The following MTCL3 variants were observed in gnomAD, a reference collection of about 807,000 sequenced individuals.
MTCL3 encodes microtubule cross-linking factor 3.
the MTCL3 span, among the ~76,000 whole-genome samples, chr6:127,499,488 A>C: frequency 4.6e-5 from 7 of 152,244 alleles, no homozygotes; most frequent in African/African-American, 1.7e-4. Context: ...CAAAGCAAAG[A>C]AAATGCTAAG....
the MTCL3 span, chr6:127,476,595 G>C: frequency 1.4e-6 from 1 of 713,624 alleles, no homozygotes. This position sits in a 1 kb window ranked among gnomAD's most constrained non-coding sequence, Gnocchi z 4.4. Context: ...GAGAGAAACA[G>C]AAGCAGATAC....
chr6:127,475,170 G>C, the MTCL3 span: 4 of 1,010,994 alleles, frequency 4.0e-6, no homozygotes, highest in Non-Finnish European at 5.6e-6. This position sits in a 1 kb window ranked among gnomAD's most constrained non-coding sequence, Gnocchi z 7.3. Flanking sequence ...GCCCCAGCGC[G>C]GCCCTGAGCG....
the MTCL3 span, chr6:127,516,217 G>C: frequency 4.2e-6 from 6 of 1,435,236 alleles, no homozygotes; most frequent in Non-Finnish European, 5.4e-6. Context: ...GCCCAAAGCG[G>C]CCAGGGTCGC....
the MTCL3 span, among the ~76,000 whole-genome samples, chr6:127,480,103 G>C: frequency 6.6e-6 from 1 of 152,086 alleles, no homozygotes; most frequent in African/African-American, 2.4e-5. Context: ...TGTGAAGAGG[G>C]GAACATAAAG....
chr6:127,484,968 G>T, the MTCL3 span, among the ~76,000 whole-genome samples: 2 of 152,184 alleles, frequency 1.3e-5, no homozygotes, highest in Non-Finnish European at 2.9e-5. Flanking sequence ...CCAGAAAGCT[G>T]TTGGAAAAGC....
At chr6:127,507,599 A>T in the MTCL3 span, among the ~76,000 whole-genome samples, 1 of 152,022 alleles carries the variant, frequency 6.6e-6, no homozygotes, top group South Asian at 2.1e-4. Flanking sequence ...TTAAAAATGC[A>T]TTCATAGGCC....
chr6:127,510,055 T>C, the MTCL3 span, among the ~76,000 whole-genome samples: 1 of 152,194 alleles, frequency 6.6e-6, no homozygotes, highest in South Asian at 2.1e-4. Context: ...TATCTTCCAC[T>C]CTTTCTCCCT....
At chr6:127,503,959 G>T in the MTCL3 span, among the ~76,000 whole-genome samples, 2 of 151,982 alleles carry the variant, frequency 1.3e-5, no homozygotes, top group African/African-American at 4.8e-5. Context: ...TCAACTTTGT[G>T]CCCTGTTCTG....
At chr6:127,508,596 A>G in the MTCL3 span, among the ~76,000 whole-genome samples, 2 of 152,206 alleles carry the variant, frequency 1.3e-5, no homozygotes. Context: ...TTTTCTTTTA[A>G]GAATCTTGTG....
At chr6:127,507,120 T>G in the MTCL3 span, among the ~76,000 whole-genome samples, 1 of 152,174 alleles carries the variant, frequency 6.6e-6, no homozygotes, top group African/African-American at 2.4e-5. Context: ...CAACAAAAAT[T>G]TAAATATACA....
chr6:127,482,505 T>G, the MTCL3 span, among the ~76,000 whole-genome samples: 1 of 152,200 alleles, frequency 6.6e-6, no homozygotes, highest in Admixed American at 6.5e-5. This position sits in a 1 kb window ranked among gnomAD's most constrained non-coding sequence, Gnocchi z 4.1. Flanking sequence ...CAGGGCTCTC[T>G]AAAGATATAA....
the MTCL3 span, among the ~76,000 whole-genome samples, chr6:127,517,156 T>C: frequency 3.9e-5 from 6 of 152,228 alleles, no homozygotes; most frequent in African/African-American, 1.4e-4. Context: ...AAGTTTTCAT[T>C]TAATTAGTAT....
chr6:127,498,581 T>A, the MTCL3 span, among the ~76,000 whole-genome samples: 1 of 152,178 alleles, frequency 6.6e-6, no homozygotes, highest in Non-Finnish European at 1.5e-5. Flanking sequence ...ATCTTAGCTA[T>A]CTACCCAAGA....
the MTCL3 span, among the ~76,000 whole-genome samples, chr6:127,478,974 G>A: frequency 3.7e-4 from 53 of 143,384 alleles, no homozygotes; most frequent in African/African-American, 1.1e-3. Context: ...CCGAGATTGC[G>A]CCACTGCACT....
the MTCL3 span, chr6:127,475,942 TTGTCGTGGTGCCGCGCGC>T: frequency 2.5e-6 from 4 of 1,612,774 alleles, no homozygotes; most frequent in African/African-American, 5.3e-5. This position sits in a 1 kb window ranked among gnomAD's most constrained non-coding sequence, Gnocchi z 7.3. Flanking sequence ...GGTCTTGGCG[TTGTCGTGGTGCCGCGCGC>T]TGTCGTGGCC....
the MTCL3 span, chr6:127,473,220 TGAAG>T: frequency 2.1e-6 from 3 of 1,419,734 alleles, no homozygotes; most frequent in South Asian, 4.9e-5. Context: ...CTTCTTGTCT[TGAAG>T]GGTGAACAAA....
At chr6:127,516,379 TGCTGCTGCTGCA>T in the MTCL3 span, 4 of 1,600,774 alleles carry the variant, frequency 2.5e-6, no homozygotes, top group South Asian at 3.3e-5. Context: ...ACCCTGCTGT[TGCTGCTGCTGCA>T]GCTGCTGCTG....
At chr6:127,504,331 T>C in the MTCL3 span, among the ~76,000 whole-genome samples, 1 of 152,212 alleles carries the variant, frequency 6.6e-6, no homozygotes, top group Non-Finnish European at 1.5e-5. Flanking sequence ...TCTTTCCTAT[T>C]AGAAAATAAT....
the MTCL3 span, chr6:127,481,522 A>G: frequency 1.0e-6 from 1 of 954,080 alleles, no homozygotes; most frequent in Non-Finnish European, 1.2e-6. Context: ...GAGAGGAAAA[A>G]GGAAAATAAT....
Sources: allele counts gnomAD v4.1 joint callset (sites outside exome capture counted in the v4.1 genomes callset), GRCh38; gene constraint gnomAD v4.1.1; non-coding constraint Gnocchi (gnomAD v3.1); transcripts MANE v1.5; gene names NCBI Gene and HGNC (gene_info 2026-07-23, HGNC 2026-07-21).